ORC4: variants seen among roughly 807,000 people sequenced by gnomAD.
ORC4 encodes origin recognition complex, subunit 4 homolog.
ORC4 carries 55 observed loss-of-function variants against 63.9 expected under a neutral mutation model. That is an observed-to-expected ratio of 0.86 (90% CI 0.69 to 1.08). The LOEUF (loss-of-function observed/expected upper bound fraction) is 1.08, where lower values mean the gene tolerates loss of function less well. Ranked by LOEUF, ORC4 falls within the 50% of genes least tolerant of loss-of-function variation. The pLI is 0.00. For synonymous variants in ORC4, 150 were observed against 168.5 expected (o/e 0.89, Z 0.85); for missense variants, 511 against 504.4 (o/e 1.01, Z -0.13).
chr2:147,938,306 A>C lies in ORC4; in HGVS notation c.1046T>G (p.Val349Gly). ...CTTAAGTCTCATCTCACCATTATAG[A>C]CCATTTGAAAATTAAATGGCTCTTC... ...YEEEPFNFQM[V>G]YNEFQKFVQR... The change falls in exon 12 of 14, where the codon GTC (valine) becomes GGC (glycine). Residue 349 changes from valine to glycine, a missense_variant. Transcript: ENST00000392857. 1 of 1,601,032 alleles carries C rather than the reference A, an allele frequency of 6.2e-7. No individual in the cohort carries two copies. Among genetic ancestry groups the C allele is most frequent in the Non-Finnish European group, 8.6e-7 (1 of 1,168,754 alleles).
At chr2:147,982,949 T>G (rs894831705) in intron 1 of ORC4, among the ~76,000 whole-genome samples, 6 of 152,174 alleles carry the variant, frequency 3.9e-5, no homozygotes, top group African/African-American at 1.2e-4. Context: ...ACCAAAGATA[T>G]GCAGGTGGCA....
In ORC4 at chr2:147,931,464, G is replaced by A. The variant is rs997593845; in HGVS notation, c.*4046C>T. Reference sequence around the variant, plus strand: ...TCCACAATGGTTGAACTAGTTTACAGTCCCACCAACAGTGTGAAAGTGTTC... The same window carrying A: ...TCCACAATGGTTGAACTAGTTTACAATCCCACCAACAGTGTGAAAGTGTTC... On this transcript the variant is annotated 3_prime_UTR_variant, in exon 14 of 14. Transcript: ENST00000392857. 12 of 152,036 alleles carry A rather than the reference G, an allele frequency of 7.9e-5. No homozygotes were observed. The highest frequency in any genetic ancestry group is 1.3e-4 in the Non-Finnish European group (9 of 67,986). The allele number at this position is 152,036 out of a possible 1,614,324, so 9.4% of individuals were successfully genotyped here.
rs556968987 is a variant in ORC4, at chr2:147,963,713, T to C, written c.226-4847A>G. On this transcript the variant is annotated intron_variant, in intron 4 of 13. Transcript: ENST00000392857. ...GCCAGTGTGTCAGATCCCAAGGTGATTGACCCACCATATGCATGCATATGC... is the reference window on the plus strand; with the variant it reads ...GCCAGTGTGTCAGATCCCAAGGTGACTGACCCACCATATGCATGCATATGC... Among the ~76,000 whole-genome samples, 10 of 152,116 alleles carry C rather than the reference T, an allele frequency of 6.6e-5. No individual in the cohort carries two copies. The East Asian group carries it at 1.4e-3, about 21-fold the overall frequency.
intron 4 of ORC4, among the ~76,000 whole-genome samples, chr2:147,965,865 A>G (rs1689864187): frequency 6.6e-6 from 1 of 152,130 alleles, no homozygotes; most frequent in Admixed American, 6.5e-5. Context: ...GCAAAATCCT[A>G]TCAAGTATCT....
At chr2:148,006,642 T>C (rs1692653840) in intron 1 of ORC4, among the ~76,000 whole-genome samples, 1 of 152,140 alleles carries the variant, frequency 6.6e-6, no homozygotes, top group Non-Finnish European at 1.5e-5. Context: ...AAGCTTTTGC[T>C]CCGGGATGGC....
At chr2:147,999,042 G>C (rs1002446736) in intron 1 of ORC4, among the ~76,000 whole-genome samples, 1 of 152,106 alleles carries the variant, frequency 6.6e-6, no homozygotes, top group African/African-American at 2.4e-5. Flanking sequence ...AATATACAAA[G>C]CCATCCAGTC....
At chr2:147,965,101 C>A (rs1689825261) in intron 4 of ORC4, among the ~76,000 whole-genome samples, 1 of 152,052 alleles carries the variant, frequency 6.6e-6, no homozygotes, top group African/African-American at 2.4e-5. Context: ...TGACCACCAT[C>A]ATGAAAACAG....
intron 1 of ORC4, 36 bp from the exon 2 acceptor site, chr2:147,976,011 T>G: frequency 1.0e-6 from 1 of 995,466 alleles, no homozygotes. Context: ...ATAAACGTAG[T>G]GACTTAAAGA....
In ORC4 at chr2:147,931,680, A is replaced by G. The variant is rs1215859730; in HGVS notation, c.*3830T>C. 1.3e-5 allele frequency: 2 copies of G among 152,196 alleles called. No homozygotes were observed. The highest frequency in any genetic ancestry group is 2.9e-5 in the Non-Finnish European group (2 of 68,052). The allele number at this position is 152,196 out of a possible 1,614,324, so 9.4% of individuals were successfully genotyped here. ...CGCAAATCAATGAATGTAATCCAGC[A>G]TATAAACAGAGCCAAAGACAAAAAA... is the stretch of plus-strand genomic sequence containing the variant. On this transcript the variant is annotated 3_prime_UTR_variant, in exon 14 of 14. Transcript: ENST00000392857.
chr2:148,006,702 G>A (rs1692659244), intron 1 of ORC4, among the ~76,000 whole-genome samples: 1 of 152,186 alleles, frequency 6.6e-6, no homozygotes, highest in African/African-American at 2.4e-5. Flanking sequence ...ATGATGGGAT[G>A]GACTCAGTCT....
At chr2:148,000,434 C>A (rs1031123031) in intron 1 of ORC4, among the ~76,000 whole-genome samples, 16 of 152,062 alleles carry the variant, frequency 1.1e-4, no homozygotes, top group Non-Finnish European at 1.6e-4. Context: ...CTTCAAAGCT[C>A]TTAAGAACAA....
rs1413261553 is a variant in ORC4 at position 148,018,799 on chromosome 2, A to G, written c.-18+1834T>C. 3.3e-5 allele frequency among the ~76,000 whole-genome samples: 5 copies of G among 152,352 alleles called. No individual in the cohort carries two copies. The East Asian group carries it at 9.6e-4, about 29-fold the overall frequency. On this transcript the variant is annotated intron_variant, in intron 1 of 13. Transcript: ENST00000392857. ...AGAAAGAAAGCAGTAAATGATTGCCATAAAAATCAGTATAGTGTTAACCAC... is the reference window on the plus strand; with the variant it reads ...AGAAAGAAAGCAGTAAATGATTGCCGTAAAAATCAGTATAGTGTTAACCAC...
At chr2:147,942,304 C>A (rs890803462) in intron 10 of ORC4, among the ~76,000 whole-genome samples, 2 of 151,970 alleles carry the variant, frequency 1.3e-5, no homozygotes, top group Admixed American at 6.6e-5. Flanking sequence ...TAGACTAAAA[C>A]CAAATACTCT....
intron 1 of ORC4, among the ~76,000 whole-genome samples, chr2:147,981,534 C>T (rs908783921): frequency 3.9e-5 from 6 of 152,146 alleles, no homozygotes; most frequent in Non-Finnish European, 8.8e-5. Context: ...GAACCTCTAA[C>T]AGGGGAACTC....
rs758219579 is a variant in ORC4 at position 147,958,863 on chromosome 2, TTAAC to T, written c.226-1_228del. ...ATGAGTTCTTTCAAAGCATGATTTA[TTAAC>T]TAAATATGAAAAGTTTATGAAATAA... On this transcript the variant is annotated splice_acceptor_variant and coding_sequence_variant, in exon 5 of 14. Transcript: ENST00000392857. LOFTEE classifies it high-confidence loss of function. 1 of 1,213,870 alleles carries T rather than the reference TTAAC, an allele frequency of 8.2e-7. No homozygotes were observed. Among genetic ancestry groups the T allele is most frequent in the South Asian group, 1.2e-5 (1 of 80,540 alleles). The allele number at this position is 1,213,870 out of a possible 1,614,324, so 75.2% of individuals were successfully genotyped here.
chr2:148,001,059 TG>T (rs1310908298), intron 1 of ORC4, among the ~76,000 whole-genome samples: 24 of 152,060 alleles, frequency 1.6e-4, no homozygotes. Context: ...TGGGGAAAAC[TG>T]GGGTAGTGAC....
chr2:147,960,627 T>C (rs1689537492), intron 4 of ORC4, among the ~76,000 whole-genome samples: 1 of 152,170 alleles, frequency 6.6e-6, no homozygotes, highest in Non-Finnish European at 1.5e-5. Context: ...CTTATACTAT[T>C]CCCAAATATT....
At chr2:147,999,778 T>A (rs1473104804) in intron 1 of ORC4, among the ~76,000 whole-genome samples, 2 of 152,056 alleles carry the variant, frequency 1.3e-5, no homozygotes, top group Non-Finnish European at 2.9e-5. Context: ...GAATCTAACA[T>A]AAATTTGAAC....
At chr2:148,002,999 T>C (rs1177321672) in intron 1 of ORC4, among the ~76,000 whole-genome samples, 2 of 152,108 alleles carry the variant, frequency 1.3e-5, no homozygotes, top group East Asian at 1.9e-4. Context: ...ACAAATAAAC[T>C]AGAAAATCTA....
Sources: gnomAD v4.1 joint callset for allele counts (sites outside exome capture counted in the v4.1 genomes callset) on GRCh38, gnomAD v4.1.1 for gene constraint, MANE v1.5 for transcripts, NCBI Gene and HGNC (gene_info 2026-07-23, HGNC 2026-07-21) for gene names.